The following AFAP1L2 variants were observed in gnomAD, a reference collection of about 807,000 sequenced individuals.
The protein encoded by AFAP1L2 is actin filament associated protein 1 like 2.
In AFAP1L2, 46 loss-of-function variants were observed where a neutral mutation model predicts 99.3. The ratio of observed to expected loss-of-function variants is 0.46; its 90% CI spans 0.37 to 0.59. AFAP1L2 has a LOEUF of 0.59. AFAP1L2 is among the 20% of genes least tolerant of loss of function. The pLI is 0.00. For synonymous variants in AFAP1L2, 397 were observed against 419.1 expected (o/e 0.95, Z 0.64); for missense variants, 959 against 1,034.9 (o/e 0.93, Z 1.01).
the AFAP1L2 span, chr10:114,289,465 G>A: frequency 3.2e-5 from 51 of 1,614,106 alleles, no homozygotes; most frequent in African/African-American, 3.9e-4. Flanking sequence ...CCACCAGGAC[G>A]TGCTCATTGA....
intron 1 of AFAP1L2, among the ~76,000 whole-genome samples, chr10:114,383,282 C>T (rs527953043): frequency 2.0e-5 from 3 of 151,764 alleles, no homozygotes; most frequent in Non-Finnish European, 4.4e-5. Flanking sequence ...AACTTATTAC[C>T]ATAGGGGTTG....
chr10:114,369,526 C>T (rs142259747), intron 1 of AFAP1L2, among the ~76,000 whole-genome samples: 1,827 of 142,270 alleles, frequency 0.013, 44 homozygotes, highest in African/African-American at 0.046. Context: ...ACCCGGGAGG[C>T]GGAGCTTGCA....
In AFAP1L2 at chr10:114,333,282, C is replaced by T. The variant is rs1323100837; in HGVS notation, c.159G>A (p.Glu53=). The change falls in exon 3 of 19, where the codon GAG becomes GAA. Residue 53 remains glutamate (E), a synonymous_variant. Transcript: ENST00000304129. ...LYTKSSSSDE[E]YIYMNKVTIN... ...TGGTCACTTTGTTCATATAAATGTACTCCTCATCAGAGCCTGCAGAAGGAA... is the reference window on the plus strand; with the variant it reads ...TGGTCACTTTGTTCATATAAATGTATTCCTCATCAGAGCCTGCAGAAGGAA... 6.2e-7 allele frequency: 1 copy of T among 1,613,830 alleles called. No homozygotes were observed. The highest frequency in any genetic ancestry group is 1.3e-5 in the African/African-American group (1 of 74,898).
At chr10:114,400,244 T>C (rs769466557) in intron 1 of AFAP1L2, among the ~76,000 whole-genome samples, 17 of 152,220 alleles carry the variant, frequency 1.1e-4, no homozygotes, top group Admixed American at 5.2e-4. Flanking sequence ...CCTGGCCCTT[T>C]AATTGTGCTG....
chr10:114,323,158 C>T lies in AFAP1L2; in HGVS notation c.406+13G>A, dbSNP rs760787641. ...GTAAGTCACCCTCCCAAGCCCCAGC[C>T]GCTGGGATGTACCATTGAGGGATGT... On this transcript the variant is annotated intron_variant, in intron 5 of 18. Coordinates refer to ENST00000304129, the MANE Select transcript of AFAP1L2 (RefSeq NM_001001936.3). 4.1e-5 allele frequency: 65 copies of T among 1,580,414 alleles called. No homozygotes were observed. The highest frequency in any genetic ancestry group is 1.7e-4 in the Middle Eastern group (1 of 5,948).
chr10:114,371,732 CA>C (rs2054133915), intron 1 of AFAP1L2, among the ~76,000 whole-genome samples: 1 of 151,808 alleles, frequency 6.6e-6, no homozygotes, highest in African/African-American at 2.4e-5. Flanking sequence ...ATGGGTGCAG[CA>C]AACCACCATG....
chr10:114,404,975 G>A (rs372547205), upstream of AFAP1L2, among the ~76,000 whole-genome samples: 13 of 152,312 alleles, frequency 8.5e-5, no homozygotes, highest in African/African-American at 3.1e-4. Flanking sequence ...CCGAGCCAGC[G>A]CGCTTTTGCC....
At chr10:114,378,607 C>T (rs939183064) in intron 1 of AFAP1L2, among the ~76,000 whole-genome samples, 1 of 152,218 alleles carries the variant, frequency 6.6e-6, no homozygotes, top group Admixed American at 6.5e-5. Context: ...TGGTATCTCG[C>T]TTCTTCCAGA....
At chr10:114,286,893 A>G in the AFAP1L2 span, among the ~76,000 whole-genome samples, 3 of 152,194 alleles carry the variant, frequency 2.0e-5, no homozygotes, top group East Asian at 5.8e-4. Flanking sequence ...TTTGATGGCA[A>G]TCCACAGAAA....
chr10:114,282,575 T>C, the AFAP1L2 span: 8 of 1,613,614 alleles, frequency 5.0e-6, no homozygotes, highest in Middle Eastern at 1.6e-4. Context: ...TGCCCAGGTA[T>C]GGTCTGTCTC....
chr10:114,387,613 GA>G (rs2137767255), intron 1 of AFAP1L2, among the ~76,000 whole-genome samples: 1 of 152,222 alleles, frequency 6.6e-6, no homozygotes, highest in East Asian at 1.9e-4. Context: ...AATCCCCAAG[GA>G]AAAAGCTATC....
At chr10:114,288,891 T>G in the AFAP1L2 span, 7 of 1,560,872 alleles carry the variant, frequency 4.5e-6, no homozygotes, top group Non-Finnish European at 6.1e-6. Flanking sequence ...GTCGAGGGGC[T>G]CTGACTGGCA....
intron 2 of AFAP1L2, among the ~76,000 whole-genome samples, chr10:114,337,971 C>T (rs2048232652): frequency 6.6e-6 from 1 of 152,186 alleles, no homozygotes; most frequent in Non-Finnish European, 1.5e-5. Context: ...TGTTGACCAG[C>T]ACTCCCGGCG....
intron 1 of AFAP1L2, among the ~76,000 whole-genome samples, chr10:114,395,257 A>T (rs1468097164): frequency 6.6e-6 from 1 of 152,212 alleles, no homozygotes; most frequent in Non-Finnish European, 1.5e-5. Context: ...AAGTCCTGAC[A>T]ATGCAAAGGG....
intron 5 of AFAP1L2, among the ~76,000 whole-genome samples, chr10:114,318,706 C>T (rs1350456020): frequency 3.5e-5 from 4 of 114,292 alleles, no homozygotes; most frequent in African/African-American, 1.2e-4. Context: ...CGCGCCACTG[C>T]ACTCCAGCCT....
rs999361835 is a variant in AFAP1L2 at position 114,315,484 on chromosome 10, C to T, written c.612+76G>A. ...GAAACCTCTGAGGTCAGGGACCATC[C>T]TGTCCCTCCTTCCCTGTCCCTGCCC... On this transcript the variant is annotated intron_variant, in intron 6 of 18. Coordinates refer to ENST00000304129, the MANE Select transcript of AFAP1L2 (RefSeq NM_001001936.3). The T allele has an allele frequency of 2.7e-6, 4 of 1,504,624 alleles. No homozygotes were observed. In the African/African-American group the frequency reaches 5.6e-5, roughly 21 times the overall value. 93.2% of individuals were successfully genotyped at this position (1,504,624 alleles called of 1,614,324 possible).
intron 1 of AFAP1L2, among the ~76,000 whole-genome samples, chr10:114,378,892 T>C (rs913713377): frequency 4.0e-5 from 6 of 151,898 alleles, no homozygotes; most frequent in Non-Finnish European, 5.9e-5. Context: ...CAAAACTAGG[T>C]CACTCTGATC....
intron 1 of AFAP1L2, among the ~76,000 whole-genome samples, chr10:114,374,174 C>T (rs933519950): frequency 6.6e-6 from 1 of 152,148 alleles, no homozygotes; most frequent in Admixed American, 6.5e-5. Flanking sequence ...ATTTCATAGA[C>T]TTTTACATGT....
At chr10:114,286,071 ACTCT>A in the AFAP1L2 span, 1 of 1,613,664 alleles carries the variant, frequency 6.2e-7, no homozygotes, top group South Asian at 1.1e-5. Context: ...CTGAGCGAGG[ACTCT>A]CGGGCCCGAG....
Sources: gnomAD v4.1 joint callset for allele counts (sites outside exome capture counted in the v4.1 genomes callset) on GRCh38, gnomAD v4.1.1 for gene constraint, MANE v1.5 for transcripts, NCBI Gene and HGNC (gene_info 2026-07-23, HGNC 2026-07-21) for gene names.